The following ABCB10 variants were observed in gnomAD, a reference collection of about 807,000 sequenced individuals.
ABCB10 encodes the protein ATP-binding cassette sub-family B member 10, mitochondrial.
ABCB10 carries 54 observed loss-of-function variants against 65.4 expected under a neutral mutation model. That is an observed-to-expected ratio of 0.83 (90% CI 0.66 to 1.04). The LOEUF (loss-of-function observed/expected upper bound fraction) is 1.04, where lower values mean the gene tolerates loss of function less well. Among genes scored for constraint, ABCB10 ranks in the 50% least tolerant of loss-of-function variants. The pLI is 0.00. For missense variants in ABCB10, 846 were observed against 976.6 expected, an observed-to-expected ratio of 0.87 and a Z score of 1.78; for synonymous variants, 418 against 406.5, an observed-to-expected ratio of 1.03 and a Z score of -0.34.
Position 229,518,069 on chromosome 1 carries a change from A to G in ABCB10, c.*110T>C, listed in dbSNP as rs1377370764. Reference sequence around the variant, plus strand: ...TTACACACTTTGGAAAAAAATAGGTATTTTTCAAATAACTTGATATATGGT... The same window carrying G: ...TTACACACTTTGGAAAAAAATAGGTGTTTTTCAAATAACTTGATATATGGT... On this transcript the variant is annotated 3_prime_UTR_variant, in exon 13 of 13. Coordinates refer to ENST00000344517, the MANE Select transcript of ABCB10 (RefSeq NM_012089.3). 3 of 772,726 alleles carry G rather than the reference A, an allele frequency of 3.9e-6. No individual in the cohort carries two copies. The highest frequency in any genetic ancestry group is 6.3e-6 in the Non-Finnish European group (3 of 477,066). The allele number at this position is 772,726 out of a possible 1,614,324, so 47.9% of individuals were successfully genotyped here.
At chr1:229,524,163 GT>G (rs111746133) in intron 10 of ABCB10, among the ~76,000 whole-genome samples, 48 of 144,742 alleles carry the variant, frequency 3.3e-4, no homozygotes, top group Non-Finnish European at 4.1e-4. Flanking sequence ...CAAGTTTTTT[GT>G]TTTTTTTTTT....
intron 3 of ABCB10, among the ~76,000 whole-genome samples, chr1:229,543,002 G>A (rs1254776578): frequency 6.6e-6 from 1 of 151,838 alleles, no homozygotes. Flanking sequence ...GTTGGGGCAC[G>A]TGCCTGTAAT....
In ABCB10 at chr1:229,558,533, T is replaced by C. The variant is rs1354541688; in HGVS notation, c.120A>G (p.Leu40=). The part of the protein sequence containing the change: ...WAAASRVPGS[L]SPFTGLRPAR... ...CCGGCCTCAGGCCAGTGAACGGCGATAGGGACCCGGGAACGCGGCTGGCCG... is the reference window on the plus strand; with the variant it reads ...CCGGCCTCAGGCCAGTGAACGGCGACAGGGACCCGGGAACGCGGCTGGCCG... Residue 40 remains leucine (L), a synonymous_variant, in exon 1 of 13, where the codon CTA becomes CTG. Coordinates refer to ENST00000344517, the MANE Select transcript of ABCB10 (RefSeq NM_012089.3). 1.0e-5 allele frequency: 15 copies of C among 1,436,110 alleles called. No homozygotes were observed. Among genetic ancestry groups the C allele is most frequent in the Admixed American group, 7.5e-5 (3 of 39,880 alleles). The allele number at this position is 1,436,110 out of a possible 1,614,324, so 89.0% of individuals were successfully genotyped here.
chr1:229,522,586 T>C (rs373207627), intron 10 of ABCB10, among the ~76,000 whole-genome samples: 1 of 152,188 alleles, frequency 6.6e-6, no homozygotes, highest in East Asian at 1.9e-4. Flanking sequence ...AGATACAAAG[T>C]AGCATGTCCA....
rs1662466872 is a variant in ABCB10, at chr1:229,527,235, C to T, written c.1719G>A (p.Val573=). Residue 573 remains valine, a synonymous_variant, in exon 9 of 13, where the codon GTG becomes GTA. Transcript: ENST00000344517. ...TGGAAGCCTCTCTTCTTACCTGACT[C>T]ACTGTCCCAATTTTGGATCTCAGCC... The part of the protein sequence containing the change: ...PVWLRSKIGT[V]SQEPILFSCS... The T allele has an allele frequency of 6.2e-7, 1 of 1,613,448 alleles. No individual in the cohort carries two copies. The highest frequency in any genetic ancestry group is 1.7e-5 in the Admixed American group (1 of 59,954).
chr1:229,551,790 G>A (rs1229804216), intron 1 of ABCB10, among the ~76,000 whole-genome samples: 1 of 152,210 alleles, frequency 6.6e-6, no homozygotes, highest in Non-Finnish European at 1.5e-5. Flanking sequence ...CGATGAACTG[G>A]CAGCTCCAGA....
intron 1 of ABCB10, among the ~76,000 whole-genome samples, chr1:229,557,385 T>C (rs12734075): frequency 0.15 from 22,869 of 152,152 alleles, 2,392 homozygotes; most frequent in Non-Finnish European, 0.22. Flanking sequence ...CAGGGCCCAG[T>C]CCAGAATGAG....
intron 1 of ABCB10, among the ~76,000 whole-genome samples, 184 bp downstream of exon 1, chr1:229,557,952 C>A (rs1663299047): frequency 1.3e-5 from 2 of 152,218 alleles, no homozygotes; most frequent in Non-Finnish European, 2.9e-5. Flanking sequence ...CCAGCTAAGG[C>A]GAAATCTTGA....
At chr1:229,548,724 A>G (rs1357668093) in intron 2 of ABCB10, among the ~76,000 whole-genome samples, 1 of 143,952 alleles carries the variant, frequency 6.9e-6, no homozygotes, top group Non-Finnish European at 1.5e-5. Context: ...GTGCAGTGGT[A>G]TGATCTGGGC....
intron 8 of ABCB10, among the ~76,000 whole-genome samples, chr1:229,527,690 G>A (rs1558120374): frequency 6.6e-6 from 1 of 152,184 alleles, no homozygotes; most frequent in Non-Finnish European, 1.5e-5. Flanking sequence ...GCATCCACTT[G>A]CTGGCACGAA....
At chr1:229,529,054 G>T (rs1019159717) in intron 8 of ABCB10, among the ~76,000 whole-genome samples, 1 of 151,976 alleles carries the variant, frequency 6.6e-6, no homozygotes, top group African/African-American at 2.4e-5. Context: ...CACTCTGGGG[G>T]ACTGAGGAGG....
In ABCB10 at chr1:229,524,642, T is replaced by C. The variant is rs80182294; in HGVS notation, c.1906+1294A>G. Reference sequence around the variant, plus strand: ...GCAACCATAATGTGATCCAGAATGATAGGTGTGGTCTGACACCACAGGGAA... The same window carrying C: ...GCAACCATAATGTGATCCAGAATGACAGGTGTGGTCTGACACCACAGGGAA... On this transcript the variant is annotated intron_variant, in intron 10 of 12. Coordinates refer to ENST00000344517, the MANE Select transcript of ABCB10 (RefSeq NM_012089.3). 8.1e-4 allele frequency among the ~76,000 whole-genome samples: 123 copies of C among 152,306 alleles called. 1 individual carries two copies. In the East Asian group the frequency reaches 0.012, roughly 15 times the overall value.
chr1:229,538,716 T>C (rs2102697266), intron 6 of ABCB10, among the ~76,000 whole-genome samples: 1 of 152,302 alleles, frequency 6.6e-6, no homozygotes, highest in South Asian at 2.1e-4. Flanking sequence ...CCTTCAACAA[T>C]TAGACAGATA....
intron 6 of ABCB10, among the ~76,000 whole-genome samples, chr1:229,532,895 A>C (rs1174834783): frequency 3.3e-5 from 5 of 152,228 alleles, no homozygotes; most frequent in Non-Finnish European, 5.9e-5. Context: ...TCAAAACAAA[A>C]AACAACAACA....
At chr1:229,527,049 G>C (rs756172735) in intron 9 of ABCB10, among the ~76,000 whole-genome samples, 180 bp downstream of exon 9, 1 of 151,388 alleles carries the variant, frequency 6.6e-6, no homozygotes, top group Admixed American at 6.6e-5. Flanking sequence ...AACATTTAGG[G>C]TTTTCAGGAA....
chr1:229,554,483 T>C (rs1192773543), intron 1 of ABCB10, among the ~76,000 whole-genome samples: 1 of 152,100 alleles, frequency 6.6e-6, no homozygotes, highest in Non-Finnish European at 1.5e-5. Flanking sequence ...CTAACAGACA[T>C]ACGATGGGAG....
intron 9 of ABCB10, among the ~76,000 whole-genome samples, chr1:229,526,404 G>A (rs192703510): frequency 6.6e-6 from 1 of 152,292 alleles, no homozygotes; most frequent in East Asian, 1.9e-4. Context: ...TTCCACTCAG[G>A]ACAAAGCGGG....
At position 229,541,953 on chromosome 1, in the gene ABCB10, A is replaced by G. The variant is rs564041921; in HGVS notation, c.1056+284T>C. ...AACTTTTCTCATGTACCTTGTCTCA[A>G]AAAAAAAAAACAAAAAAAAAAAGAA... is the stretch of plus-strand genomic sequence containing the variant. On this transcript the variant is annotated intron_variant, in intron 4 of 12. Transcript: ENST00000344517. Among the ~76,000 whole-genome samples, 15 of 149,048 alleles carry G rather than the reference A, an allele frequency of 1.0e-4. No homozygotes were observed. The East Asian group carries it at 3.1e-3, about 31-fold the overall frequency.
Position 229,539,516 on chromosome 1 carries a change from T to G in ABCB10, c.1279A>C (p.Thr427Pro). 6.2e-7 allele frequency: 1 copy of G among 1,613,976 alleles called. No homozygotes were observed. The highest frequency in any genetic ancestry group is 8.5e-7 in the Non-Finnish European group (1 of 1,179,884). Residue 427 changes from threonine (T) to proline (P), a missense_variant, in exon 6 of 13, where the codon ACC becomes CCC. By Grantham distance (38) the Thr-to-Pro change is conservative. Coordinates refer to ENST00000344517, the MANE Select transcript of ABCB10 (RefSeq NM_012089.3). ...GGLLMGSAHM[T>P]VGELSSFLMY... ...AGGAAGGAAGAGAGTTCACCCACGG[T>G]CATGTGGGCACTGCCCATCAGCAGC...
Sources: allele counts gnomAD v4.1 joint callset (sites outside exome capture counted in the v4.1 genomes callset), GRCh38; gene constraint gnomAD v4.1.1; transcripts MANE v1.5; gene names NCBI Gene and HGNC (gene_info 2026-07-23, HGNC 2026-07-21).